The following GRB10 variants were observed in gnomAD, a reference collection of about 807,000 sequenced individuals.
GRB10 encodes growth factor receptor bound protein 10, also known as growth factor receptor-bound protein 10.
In GRB10, 20 loss-of-function variants were observed where a neutral mutation model predicts 80.9. The ratio of observed to expected loss-of-function variants is 0.25; its 90% CI spans 0.17 to 0.36. GRB10 has a LOEUF of 0.36. Among genes scored for constraint, GRB10 ranks in the 10% least tolerant of loss-of-function variants. GRB10 has a pLI of 1.00. For missense variants in GRB10, 548 were observed against 747.7 expected (o/e 0.73, Z 3.12); for synonymous variants, 291 against 291.5 (o/e 1.00, Z 0.02).
rs1586253459 is a variant in GRB10, at chr7:50,645,445, T to C, written c.505-18467A>G. ...TCAGCCATCTGGGGAGTATGTCTGC[T>C]GGGCTGGCAGGGAAGAAACATGAGC... On this transcript the variant is annotated intron_variant, in intron 7 of 18. Transcript: ENST00000401949. 4 of 214,780 alleles carry C rather than the reference T, an allele frequency of 1.9e-5. No homozygotes were observed. In the South Asian group the frequency reaches 4.9e-4, roughly 26 times the overall value. 13.3% of individuals were successfully genotyped at this position (214,780 alleles called of 1,614,324 possible). A position where few individuals can be genotyped will look rare whatever the true frequency, so the allele number is the denominator to read the frequency against.
At chr7:50,612,594 A>G in intron 13 of GRB10, 147 bp downstream of exon 13, 2 of 701,292 alleles carry the variant, frequency 2.9e-6, no homozygotes, top group Non-Finnish European at 5.2e-6. Flanking sequence ...GTTTAGAAAG[A>G]TGCTTAACTA....
At chr7:50,653,186 C>G (rs1021852616) in intron 7 of GRB10, among the ~76,000 whole-genome samples, 2 of 152,152 alleles carry the variant, frequency 1.3e-5, no homozygotes, top group African/African-American at 4.8e-5. Context: ...AGGCAGGCAC[C>G]GTCTTCCTAG....
In GRB10 at chr7:50,674,591, G is replaced by C. The variant is rs757674242; in HGVS notation, c.207C>G (p.Ala69=). 1 of 1,613,556 alleles carries C rather than the reference G, an allele frequency of 6.2e-7. No individual in the cohort carries two copies. The highest frequency in any genetic ancestry group is 8.5e-7 in the Non-Finnish European group (1 of 1,180,044). Residue 69 remains alanine (A), a synonymous_variant, in exon 6 of 19, where the codon GCC becomes GCG. Coordinates refer to ENST00000401949, the MANE Select transcript of GRB10 (RefSeq NM_001350814.2). ...GCACCGTGTCTGACTGCATGCTGCA[G>C]GCCGAGTACAGGCTCTCCAGGGATG... The part of the protein sequence containing the change: ...MNASLESLYS[A]CSMQSDTVPL...
chr7:50,711,028 C>T (rs988652454), intron 4 of GRB10: 3 of 823,420 alleles, frequency 3.6e-6, no homozygotes, highest in African/African-American at 1.7e-5. Context: ...AATAACTCCA[C>T]TAAGGTAAAC....
chr7:50,641,551 C>T (rs2056273526), intron 7 of GRB10, among the ~76,000 whole-genome samples: 1 of 152,188 alleles, frequency 6.6e-6, no homozygotes, highest in African/African-American at 2.4e-5. Flanking sequence ...GGCCAGAGGC[C>T]ACTTGGGGGC....
intron 4 of GRB10, among the ~76,000 whole-genome samples, chr7:50,727,451 T>C (rs1473150499): frequency 6.6e-6 from 1 of 152,202 alleles, no homozygotes; most frequent in Non-Finnish European, 1.5e-5. Context: ...CATAAAATGG[T>C]AAGCGAACAA....
intron 2 of GRB10, among the ~76,000 whole-genome samples, chr7:50,775,215 T>C (rs1441446273): frequency 1.6e-5 from 2 of 123,602 alleles, no homozygotes; most frequent in African/African-American, 2.9e-5. Flanking sequence ...GACATTCCCA[T>C]TACAAAAGGG....
intron 4 of GRB10, among the ~76,000 whole-genome samples, chr7:50,725,083 T>G (rs1479958205): frequency 6.6e-6 from 1 of 152,182 alleles, no homozygotes; most frequent in African/African-American, 2.4e-5. Flanking sequence ...CCCTACCTGC[T>G]GTAATGGCGA....
At chr7:50,627,676 A>C (rs942250797) in intron 7 of GRB10, among the ~76,000 whole-genome samples, 3 of 152,258 alleles carry the variant, frequency 2.0e-5, no homozygotes, top group African/African-American at 7.2e-5. Flanking sequence ...AGTAGAGTCC[A>C]GAGGACGGGA....
chr7:50,660,561 C>G (rs150048254), intron 7 of GRB10, among the ~76,000 whole-genome samples: 1 of 152,026 alleles, frequency 6.6e-6, no homozygotes. Flanking sequence ...TGGGTTCTGC[C>G]CCAGCACCTT....
chr7:50,723,636 C>A (rs145200685), intron 4 of GRB10, among the ~76,000 whole-genome samples: 6 of 152,282 alleles, frequency 3.9e-5, no homozygotes, highest in African/African-American at 1.4e-4. Context: ...TGCCCCTGGT[C>A]AACTGGGATT....
chr7:50,691,137 G>A (rs775012275), intron 5 of GRB10, among the ~76,000 whole-genome samples: 25 of 152,186 alleles, frequency 1.6e-4, no homozygotes, highest in Non-Finnish European at 3.2e-4. Context: ...CCCAGGCAGC[G>A]GGGGCAACTG....
intron 3 of GRB10, among the ~76,000 whole-genome samples, chr7:50,747,199 G>A (rs1427077451): frequency 6.6e-6 from 1 of 152,148 alleles, no homozygotes; most frequent in African/African-American, 2.4e-5. Flanking sequence ...ACTACAATGA[G>A]GAAGCCAGGC....
chr7:50,645,956 G>A (rs937631715), intron 7 of GRB10, among the ~76,000 whole-genome samples: 1 of 152,014 alleles, frequency 6.6e-6, no homozygotes, highest in East Asian at 1.9e-4. Context: ...ACAGCCCTTG[G>A]CATTATTTAT....
intron 2 of GRB10, among the ~76,000 whole-genome samples, chr7:50,774,828 C>CA (rs1259076395): frequency 1.3e-5 from 2 of 152,058 alleles, no homozygotes; most frequent in African/African-American, 4.8e-5. Context: ...ATGTGAGACT[C>CA]AAAGATGTGT....
intron 7 of GRB10, among the ~76,000 whole-genome samples, chr7:50,631,617 T>C (rs773930685): frequency 1.1e-4 from 16 of 152,204 alleles, no homozygotes; most frequent in Admixed American, 9.8e-4. Context: ...AGTGGAGGCA[T>C]TCACAGGGTA....
At chr7:50,690,951 G>A (rs2062745691) in intron 5 of GRB10, among the ~76,000 whole-genome samples, 1 of 152,216 alleles carries the variant, frequency 6.6e-6, no homozygotes, top group Non-Finnish European at 1.5e-5. Context: ...GGCTTTTTCA[G>A]TTCTGCTCCA....
chr7:50,715,304 G>A (rs2066679581), intron 4 of GRB10, among the ~76,000 whole-genome samples: 2 of 151,734 alleles, frequency 1.3e-5, no homozygotes, highest in Non-Finnish European at 2.9e-5. Context: ...GAGGACGGCG[G>A]TTCATAGTGA....
chr7:50,727,818 T>C (rs984833566), intron 4 of GRB10: 1 of 152,226 alleles, frequency 6.6e-6, no homozygotes, highest in African/African-American at 2.4e-5. Context: ...GTGGCTCACA[T>C]TTAACAGGGT....
Sources: allele counts gnomAD v4.1 joint callset (sites outside exome capture counted in the v4.1 genomes callset), GRCh38; gene constraint gnomAD v4.1.1; transcripts MANE v1.5; gene names NCBI Gene and HGNC (gene_info 2026-07-23, HGNC 2026-07-21).